Variants in CYSLTR1 observed in about 807,000 individuals in gnomAD.
The protein encoded by CYSLTR1 is G-protein coupled receptor HG55.
Under a neutral mutation model 2.1 loss-of-function variants are expected in CYSLTR1, and 1 was observed. The ratio of observed to expected loss-of-function variants is 0.48; its 90% CI spans 0.17 to 2.28. The LOEUF (loss-of-function observed/expected upper bound fraction) is 2.28, where lower values mean the gene tolerates loss of function less well. Among genes scored for constraint, CYSLTR1 ranks in the 30% most tolerant of loss-of-function variants. The pLI is 0.26. For missense variants in CYSLTR1, 299 were observed against 250.1 expected, an observed-to-expected ratio of 1.20 and a Z score of -1.32; for synonymous variants, 110 against 89.6, an observed-to-expected ratio of 1.23 and a Z score of -1.28.
intron 1 of CYSLTR1, among the ~76,000 whole-genome samples, chrX:78,310,370 C>A (rs1016764217): frequency 8.9e-6 from 1 of 111,908 alleles, no homozygotes; most frequent in East Asian, 2.8e-4. Context: ...TGCCCTTTGT[C>A]GTCATCACTA....
At chrX:78,288,569 T>C (rs1196829479) in intron 1 of CYSLTR1, among the ~76,000 whole-genome samples, 1 of 111,623 alleles carries the variant, frequency 9.0e-6, no homozygotes, top group Non-Finnish European at 1.9e-5. Context: ...ATTTTTTTAT[T>C]TTTCATTTCT....
At chrX:78,315,048 G>A (rs1923361277) in intron 1 of CYSLTR1, among the ~76,000 whole-genome samples, 1 of 104,603 alleles carries the variant, frequency 9.6e-6, no homozygotes, top group Admixed American at 1.1e-4. Flanking sequence ...AAGTGGGGAG[G>A]ACTTTATCTT....
At chrX:78,299,763 G>A (rs1047091258) in intron 1 of CYSLTR1, among the ~76,000 whole-genome samples, 2 of 110,974 alleles carry the variant, frequency 1.8e-5, no homozygotes, top group Non-Finnish European at 3.8e-5. Context: ...AATGCCATTA[G>A]GTAGTCTTCT....
chrX:78,299,226 T>A (rs1216891716), intron 1 of CYSLTR1, among the ~76,000 whole-genome samples: 1 of 112,118 alleles, frequency 8.9e-6, no homozygotes, highest in African/African-American at 3.2e-5. Flanking sequence ...TGTATTCATA[T>A]CTTATTGTAC....
In CYSLTR1 at chrX:78,273,030, G is replaced by A. The variant is rs201634768; in HGVS notation, c.717C>T (p.Thr239=). The change falls in exon 3 of 3, where the codon ACC becomes ACT. Residue 239 remains threonine (T), a synonymous_variant. Transcript: ENST00000373304. ...GCATGAAACTGACTAAAAAGGCAGC[G>A]GTCACGACCATGATCATTCCTATAG... ...KKAIGMIMVV[T]AAFLVSFMPY... is the part of the protein sequence containing the mutation. 21 of 1,209,330 alleles carry A rather than the reference G, an allele frequency of 1.7e-5. No individual in the cohort carries two copies. The South Asian group carries it at 2.3e-4, about 13-fold the overall frequency.
chrX:78,319,066 G>C (rs1415756827), intron 1 of CYSLTR1: 4 of 109,842 alleles, frequency 3.6e-5, no homozygotes, highest in East Asian at 2.8e-4. Context: ...CATGTGCATG[G>C]TTCATTTATT....
At chrX:78,317,549 A>G (rs1603412279) in intron 1 of CYSLTR1, among the ~76,000 whole-genome samples, 1 of 112,742 alleles carries the variant, frequency 8.9e-6, no homozygotes, top group African/African-American at 3.2e-5. Flanking sequence ...TAGTAGCACT[A>G]TTCACACTTG....
chrX:78,296,653 C>G (rs1922586606), intron 1 of CYSLTR1, among the ~76,000 whole-genome samples: 7 of 111,159 alleles, frequency 6.3e-5, no homozygotes, highest in Admixed American at 3.8e-4. Flanking sequence ...ATTTGTGGCT[C>G]TTGTAATAGG....
intron 1 of CYSLTR1, among the ~76,000 whole-genome samples, chrX:78,322,984 C>T (rs1923723056): frequency 9.0e-6 from 1 of 111,241 alleles, no homozygotes; most frequent in African/African-American, 3.3e-5. Context: ...TTGTACTGTG[C>T]CAAAAATGCT....
At chrX:78,290,411 G>T (rs1422579786) in intron 1 of CYSLTR1, among the ~76,000 whole-genome samples, 6 of 111,792 alleles carry the variant, frequency 5.4e-5, no homozygotes, top group Non-Finnish European at 1.1e-4. Flanking sequence ...CTCCAGCTTT[G>T]TTCTTTTGGC....
chrX:78,293,547 C>T (rs1922446771), intron 1 of CYSLTR1, among the ~76,000 whole-genome samples: 1 of 111,781 alleles, frequency 8.9e-6, no homozygotes, highest in Admixed American at 9.5e-5. Flanking sequence ...TGGGGAAGTT[C>T]TCTTGGATAA....
At chrX:78,318,212 G>T (rs188246649) in intron 1 of CYSLTR1, among the ~76,000 whole-genome samples, 40 of 112,078 alleles carry the variant, frequency 3.6e-4, no homozygotes, top group African/African-American at 1.3e-3. Context: ...GACACAAAAA[G>T]GAATGAGATT....
In CYSLTR1 at chrX:78,285,366, G is replaced by T. The variant is rs190030026; in HGVS notation, c.-114-1826C>A. ...GAACCCGGGAGGCGGAGCTTGCAGT[G>T]AGCCGAGATCGCGCCACTTCACTCC... is the stretch of plus-strand genomic sequence containing the variant. On this transcript the variant is annotated intron_variant, in intron 1 of 2. Coordinates refer to ENST00000373304, the MANE Select transcript of CYSLTR1 (RefSeq NM_006639.4). Among the ~76,000 whole-genome samples, 198 of 103,175 alleles carry T rather than the reference G, an allele frequency of 1.9e-3. 9 individuals are homozygous for T. In the East Asian group the frequency reaches 0.039, roughly 21 times the overall value. The allele number at this position is 103,175 out of a possible 115,157, so 89.6% of individuals were successfully genotyped here. A position where few individuals can be genotyped will look rare whatever the true frequency, so the allele number is the denominator to read the frequency against.
chrX:78,310,973 T>C (rs774524799), intron 1 of CYSLTR1, among the ~76,000 whole-genome samples: 7 of 109,967 alleles, frequency 6.4e-5, no homozygotes, highest in African/African-American at 9.9e-5. Context: ...AGAAAGTATA[T>C]CCTAAAGGGT....
At chrX:78,277,612 T>C (rs1038074623) in intron 2 of CYSLTR1, among the ~76,000 whole-genome samples, 2 of 111,407 alleles carry the variant, frequency 1.8e-5, no homozygotes, top group Non-Finnish European at 3.8e-5. Flanking sequence ...ATTGTGGGCC[T>C]GGTCCCAGCC....
chrX:78,287,584 GT>G (rs1490439670), intron 1 of CYSLTR1, among the ~76,000 whole-genome samples: 2 of 111,932 alleles, frequency 1.8e-5, no homozygotes, highest in African/African-American at 6.5e-5. Context: ...AAACGCTGGA[GT>G]TTTTGCTAAA....
At chrX:78,303,468 G>C (rs1922904662) in intron 1 of CYSLTR1, among the ~76,000 whole-genome samples, 2 of 109,194 alleles carry the variant, frequency 1.8e-5, no homozygotes, top group Non-Finnish European at 3.8e-5. Flanking sequence ...TGAGGTGTGT[G>C]TGGGCGCAAT....
At chrX:78,288,299 C>G (rs1245212614) in intron 1 of CYSLTR1, among the ~76,000 whole-genome samples, 3 of 111,831 alleles carry the variant, frequency 2.7e-5, no homozygotes, top group Non-Finnish European at 5.6e-5. Flanking sequence ...TACTATCGTG[C>G]TAAGTGAGGT....
intron 1 of CYSLTR1, among the ~76,000 whole-genome samples, chrX:78,298,064 A>G (rs1000867722): frequency 2.7e-4 from 30 of 110,796 alleles, no homozygotes; most frequent in African/African-American, 9.2e-4. Flanking sequence ...AGGTTTTGGT[A>G]TGTTGTGTTT....
Sources: gnomAD v4.1 joint callset for allele counts (sites outside exome capture counted in the v4.1 genomes callset) on GRCh38, gnomAD v4.1.1 for gene constraint, MANE v1.5 for transcripts, NCBI Gene and HGNC (gene_info 2026-07-23, HGNC 2026-07-21) for gene names.